Variants in FYB1 observed in about 807,000 individuals in gnomAD.
FYB1 encodes FYN-binding protein 1.
In FYB1, 41 loss-of-function variants were observed where a neutral mutation model predicts 94.1. That is an observed-to-expected ratio of 0.44 (90% CI 0.34 to 0.57). The LOEUF is 0.57. FYB1 is among the 20% of genes least tolerant of loss of function. The probability of loss-of-function intolerance (pLI) is 0.02; values close to 1 mark genes in which losing one functional copy is unlikely to be tolerated. For synonymous variants in FYB1, 367 were observed against 353.2 expected, an observed-to-expected ratio of 1.04 and a Z score of -0.44; for missense variants, 1,050 against 976.8, an observed-to-expected ratio of 1.07 and a Z score of -1.00.
At chr5:39,238,139 T>C (rs911164072) in intron 1 of FYB1, among the ~76,000 whole-genome samples, 13 of 152,038 alleles carry the variant, frequency 8.6e-5, no homozygotes, top group Non-Finnish European at 1.3e-4. Context: ...TAAAAATGGT[T>C]AAGATGGTAA....
intron 1 of FYB1, among the ~76,000 whole-genome samples, chr5:39,236,029 C>T (rs1750950287): frequency 6.6e-6 from 1 of 151,718 alleles, no homozygotes; most frequent in Non-Finnish European, 1.5e-5. Context: ...CTTGTGGCTA[C>T]AGTATTGGAC....
chr5:39,211,283 G>C (rs1749349339), intron 1 of FYB1, among the ~76,000 whole-genome samples: 1 of 151,480 alleles, frequency 6.6e-6, no homozygotes, highest in Non-Finnish European at 1.5e-5. Context: ...CTCAAAGAGA[G>C]ACCTAAATTT....
intron 1 of FYB1, among the ~76,000 whole-genome samples, chr5:39,256,429 T>C (rs1019092597): frequency 1.3e-5 from 2 of 152,108 alleles, no homozygotes; most frequent in Non-Finnish European, 2.9e-5. Flanking sequence ...TCTAGAATAT[T>C]ACGTACGGGT....
chr5:39,206,965 T>A (rs1406206916), intron 1 of FYB1, among the ~76,000 whole-genome samples: 1 of 152,234 alleles, frequency 6.6e-6, no homozygotes, highest in East Asian at 1.9e-4. Flanking sequence ...GTTTGGTACC[T>A]ATGTCAATTC....
chr5:39,174,522 T>G (rs1745529585), intron 2 of FYB1, among the ~76,000 whole-genome samples: 1 of 152,212 alleles, frequency 6.6e-6, no homozygotes. Flanking sequence ...TCATTTAGAC[T>G]TAGGGATGAC....
chr5:39,140,204 G>A (rs576392397), intron 4 of FYB1, among the ~76,000 whole-genome samples: 3 of 152,284 alleles, frequency 2.0e-5, no homozygotes, highest in South Asian at 2.1e-4. Context: ...ACAACTGACC[G>A]AATGGGAGAA....
intron 1 of FYB1, among the ~76,000 whole-genome samples, chr5:39,225,478 C>CT (rs1166292466): frequency 6.6e-6 from 1 of 152,154 alleles, no homozygotes. Flanking sequence ...TTTTCTTTGT[C>CT]TTTTTTCTTA....
intron 3 of FYB1, among the ~76,000 whole-genome samples, chr5:39,145,264 A>C (rs1287634086): frequency 6.6e-6 from 1 of 152,224 alleles, no homozygotes; most frequent in Non-Finnish European, 1.5e-5. Context: ...TAATAGATTT[A>C]TGAGAGTCAT....
intron 9 of FYB1, 41 bp downstream of exon 9, chr5:39,134,167 G>T: frequency 1.4e-6 from 2 of 1,468,524 alleles, no homozygotes; most frequent in South Asian, 1.4e-5. Flanking sequence ...TTCTGACAAG[G>T]AGACAGTTTG....
chr5:39,210,204 A>T (rs1046135822), intron 1 of FYB1, among the ~76,000 whole-genome samples: 1 of 152,166 alleles, frequency 6.6e-6, no homozygotes, highest in Admixed American at 6.5e-5. Context: ...AACCCCAGCG[A>T]TGCCCTGTCT....
chr5:39,186,540 C>A (rs1746820307), intron 2 of FYB1, among the ~76,000 whole-genome samples: 1 of 151,386 alleles, frequency 6.6e-6, no homozygotes, highest in Non-Finnish European at 1.5e-5. Flanking sequence ...CAGGAAGAGA[C>A]TGCATCTACA....
intron 14 of FYB1, among the ~76,000 whole-genome samples, chr5:39,121,218 G>A (rs1483624700): frequency 1.5e-5 from 2 of 135,558 alleles, no homozygotes; most frequent in African/African-American, 5.4e-5. Context: ...ATTAACAACT[G>A]TCAAGGGTTG....
rs1561302270 is a variant in FYB1 at position 39,242,655 on chromosome 5, A to C, written c.-28+31748T>G. 2.0e-5 allele frequency among the ~76,000 whole-genome samples: 3 copies of C among 152,162 alleles called. No individual in the cohort carries two copies. In the South Asian group the frequency reaches 6.2e-4, roughly 31 times the overall value. On this transcript the variant is annotated intron_variant, in intron 1 of 1. Coordinates refer to the FYB1 transcript ENST00000510188. ...TTTATAATCCTTTGGGTATATACCC[A>C]GTAATGGGATGGCTGGGTCAAATGG...
At chr5:39,234,266 A>G (rs992242332) in intron 1 of FYB1, among the ~76,000 whole-genome samples, 1 of 152,148 alleles carries the variant, frequency 6.6e-6, no homozygotes, top group Non-Finnish European at 1.5e-5. Context: ...TTAAAATATT[A>G]CTGATCCTTA....
At chr5:39,177,688 A>G (rs1745865060) in intron 2 of FYB1, among the ~76,000 whole-genome samples, 1 of 152,224 alleles carries the variant, frequency 6.6e-6, no homozygotes, top group African/African-American at 2.4e-5. Context: ...AACATTTTAT[A>G]TATGAAATGG....
intron 1 of FYB1, among the ~76,000 whole-genome samples, chr5:39,268,715 G>A (rs762018338): frequency 2.6e-5 from 4 of 151,934 alleles, no homozygotes; most frequent in Admixed American, 1.3e-4. Flanking sequence ...ACAGGCATGC[G>A]CCACCATGCC....
intron 3 of FYB1, among the ~76,000 whole-genome samples, chr5:39,149,855 C>T (rs1235392499): frequency 3.3e-5 from 5 of 152,124 alleles, no homozygotes; most frequent in African/African-American, 1.2e-4. Flanking sequence ...TTACAGTGCC[C>T]CAGAGCTCAG....
intron 16 of FYB1, among the ~76,000 whole-genome samples, chr5:39,117,310 A>G (rs2150273690): frequency 6.6e-6 from 1 of 152,274 alleles, no homozygotes; most frequent in African/African-American, 2.4e-5. Context: ...CATAATTTTC[A>G]TTTAGAACAT....
chr5:39,271,413 T>A (rs1752660285), intron 1 of FYB1, among the ~76,000 whole-genome samples: 1 of 152,198 alleles, frequency 6.6e-6, no homozygotes, highest in Non-Finnish European at 1.5e-5. Flanking sequence ...TTGGAATATT[T>A]AGCCTTCTAC....
Sources: gnomAD v4.1 joint callset for allele counts (sites outside exome capture counted in the v4.1 genomes callset) on GRCh38, gnomAD v4.1.1 for gene constraint, MANE v1.5 for transcripts, NCBI Gene and HGNC (gene_info 2026-07-23, HGNC 2026-07-21) for gene names.